Variants in SYT1 observed in about 807,000 individuals in gnomAD.
SYT1 encodes the protein synaptotagmin 1.
In SYT1, 8 loss-of-function variants were observed where a neutral mutation model predicts 44.8. The observed-to-expected ratio is 0.18, with a 90% CI of 0.10 to 0.32. SYT1 has a LOEUF of 0.32. SYT1 is among the 10% of genes least tolerant of loss of function. SYT1 has a pLI of 1.00. For synonymous variants in SYT1, 154 were observed against 188.8 expected, an observed-to-expected ratio of 0.82 and a Z score of 1.51; for missense variants, 286 against 509.3, an observed-to-expected ratio of 0.56 and a Z score of 4.22.
At chr12:78,980,847 G>T (rs545015269) in intron 2 of SYT1, among the ~76,000 whole-genome samples, 1 of 152,044 alleles carries the variant, frequency 6.6e-6, no homozygotes, top group African/African-American at 2.4e-5. Flanking sequence ...AATTAAAAGA[G>T]GGGGTAGAAT....
intron 9 of SYT1, among the ~76,000 whole-genome samples, chr12:79,398,747 A>C (rs1266148446): frequency 1.3e-5 from 2 of 152,250 alleles, no homozygotes; most frequent in Admixed American, 6.5e-5. Flanking sequence ...CTGGGAAAAC[A>C]TCTAAATTGC....
intron 3 of SYT1, among the ~76,000 whole-genome samples, chr12:79,145,011 A>T (rs1312131154): frequency 6.6e-6 from 1 of 152,230 alleles, no homozygotes; most frequent in Non-Finnish European, 1.5e-5. Context: ...CCTTGGTATT[A>T]GCAACTTTCT....
intron 9 of SYT1, among the ~76,000 whole-genome samples, chr12:79,441,549 A>G (rs1023346404): frequency 2.6e-5 from 4 of 152,108 alleles, no homozygotes; most frequent in Admixed American, 1.3e-4. Context: ...TCCTAACCTC[A>G]GGTGATCTAC....
chr12:79,042,530 G>T (rs1873668595), intron 2 of SYT1, among the ~76,000 whole-genome samples: 1 of 143,664 alleles, frequency 7.0e-6, no homozygotes, highest in African/African-American at 2.6e-5. Context: ...TTCTTTATTA[G>T]TCTTGCTAGT....
chr12:79,346,400 G>T (rs543432374), intron 8 of SYT1, among the ~76,000 whole-genome samples: 1 of 152,160 alleles, frequency 6.6e-6, no homozygotes, highest in Non-Finnish European at 1.5e-5. Context: ...AAAAGAGCAG[G>T]TAAATTTCTC....
intron 3 of SYT1, among the ~76,000 whole-genome samples, chr12:79,138,154 T>C (rs926471045): frequency 1.3e-5 from 2 of 152,188 alleles, no homozygotes; most frequent in African/African-American, 4.8e-5. Flanking sequence ...ACTTTACCTC[T>C]GAAGCTGTCT....
chr12:79,051,609 T>A (rs1874497060), intron 3 of SYT1, among the ~76,000 whole-genome samples: 3 of 151,878 alleles, frequency 2.0e-5, no homozygotes, highest in African/African-American at 7.2e-5. Flanking sequence ...GTAATAATAA[T>A]ACATAAAAGC....
chr12:79,362,518 C>A, intron 9 of SYT1, among the ~76,000 whole-genome samples: 1 of 152,076 alleles, frequency 6.6e-6, no homozygotes, highest in Middle Eastern at 3.2e-3. Context: ...AGAGCTCATT[C>A]ATGTGTACAA....
At chr12:79,096,338 C>T (rs904666720) in intron 3 of SYT1, among the ~76,000 whole-genome samples, 2 of 151,888 alleles carry the variant, frequency 1.3e-5, no homozygotes, top group Non-Finnish European at 2.9e-5. Context: ...GTCTGCAGCC[C>T]CTCTGAATAG....
At chr12:79,145,184 G>A (rs981964300) in intron 3 of SYT1, among the ~76,000 whole-genome samples, 7 of 152,058 alleles carry the variant, frequency 4.6e-5, no homozygotes, top group Admixed American at 4.6e-4. Flanking sequence ...GCTTTAGATG[G>A]TAACAAATCC....
intron 3 of SYT1, among the ~76,000 whole-genome samples, chr12:79,123,269 T>G (rs1398031509): frequency 6.6e-6 from 1 of 150,590 alleles, no homozygotes; most frequent in Admixed American, 6.6e-5. Context: ...ATGGGTCCAG[T>G]ACTCGGTAAC....
chr12:78,902,247 A>G (rs1875708541), intron 1 of SYT1, among the ~76,000 whole-genome samples: 1 of 151,942 alleles, frequency 6.6e-6, no homozygotes, highest in Non-Finnish European at 1.5e-5. Flanking sequence ...TATAATCGCA[A>G]TTACACACAT....
At chr12:78,883,990 C>T (rs1175730684) in intron 1 of SYT1, among the ~76,000 whole-genome samples, 1 of 150,108 alleles carries the variant, frequency 6.7e-6, no homozygotes, top group East Asian at 2.0e-4. Context: ...AAATAATTTT[C>T]TAAATAAAAA....
chr12:79,179,504 T>G lies in SYT1; in HGVS notation c.-17-37999T>G, dbSNP rs1052373590. 1.1e-4 allele frequency among the ~76,000 whole-genome samples: 12 copies of G among 112,536 alleles called. 1 individual carries two copies. The highest frequency in any genetic ancestry group is 3.3e-4 in the African/African-American group (9 of 26,870). 73.8% of individuals were successfully genotyped at this position (112,536 alleles called of 152,430 possible). ...AGATATAGATATATCTATATAGATA[T>G]AGATATAGATATATCTATATAGATA... On this transcript the variant is annotated intron_variant, in intron 3 of 10. Transcript: ENST00000261205.
At chr12:79,231,511 G>A (rs941873024) in intron 4 of SYT1, among the ~76,000 whole-genome samples, 3 of 151,644 alleles carry the variant, frequency 2.0e-5, no homozygotes, top group Admixed American at 6.6e-5. Flanking sequence ...AAAGATAATA[G>A]TAGACAACGA....
At chr12:79,035,949 CAAAA>C (rs5799409) in intron 2 of SYT1, among the ~76,000 whole-genome samples, 10 of 128,294 alleles carry the variant, frequency 7.8e-5, no homozygotes, top group African/African-American at 2.8e-4. Flanking sequence ...AACAAACAAA[CAAAA>C]AAAAAAAAAA....
chr12:79,347,888 A>C (rs964564846), intron 8 of SYT1, among the ~76,000 whole-genome samples: 1 of 152,142 alleles, frequency 6.6e-6, no homozygotes, highest in African/African-American at 2.4e-5. Flanking sequence ...CATTAGATAG[A>C]GTGGCCACAG....
intron 3 of SYT1, among the ~76,000 whole-genome samples, chr12:79,203,468 C>G (rs1445346299): frequency 6.6e-6 from 1 of 152,178 alleles, no homozygotes. Context: ...AATCACCCAA[C>G]AGAATTCCTC....
In SYT1 at chr12:79,217,426, C is replaced by A. The variant is rs369401879; in HGVS notation, c.-17-77C>A. ...GCAGGTGCCACCTCTGATGTTGTTT[C>A]ATCTCTGGGATACCTTTGATGTGGG... On this transcript the variant is annotated intron_variant, in intron 3 of 10. Transcript: ENST00000261205. The A allele has an allele frequency of 2.4e-5, 31 of 1,302,416 alleles. 2 individuals are homozygous for A. Among genetic ancestry groups the A allele is most frequent in the Admixed American group, 1.5e-4 (5 of 32,300 alleles). 80.7% of individuals were successfully genotyped at this position (1,302,416 alleles called of 1,614,324 possible).
Sources: gnomAD v4.1 joint callset for allele counts (sites outside exome capture counted in the v4.1 genomes callset) on GRCh38, gnomAD v4.1.1 for gene constraint, MANE v1.5 for transcripts, NCBI Gene and HGNC (gene_info 2026-07-23, HGNC 2026-07-21) for gene names.